The following ATP9B variants were observed in gnomAD, a reference collection of about 807,000 sequenced individuals.
ATP9B encodes ATPase phospholipid transporting 9B, also known as probable phospholipid-transporting ATPase IIB.
A neutral mutation model predicts 146.1 loss-of-function variants in ATP9B; 110 were observed. The ratio of observed to expected loss-of-function variants is 0.75; its 90% CI spans 0.65 to 0.88. The LOEUF is 0.88. Among genes scored for constraint, ATP9B ranks in the 40% least tolerant of loss-of-function variants. ATP9B has a pLI of 0.00. For synonymous variants in ATP9B, 604 were observed against 569.7 expected (o/e 1.06, Z -0.86); for missense variants, 1,499 against 1,496.4 (o/e 1.00, Z -0.03).
chr18:79,091,150 T>G (rs897989238), intron 1 of ATP9B, among the ~76,000 whole-genome samples: 4 of 152,210 alleles, frequency 2.6e-5, no homozygotes, highest in Non-Finnish European at 4.4e-5. Flanking sequence ...TGTGTCTGTT[T>G]TTATGCCAGT....
At chr18:79,072,602 C>T (rs574986422) in intron 1 of ATP9B, among the ~76,000 whole-genome samples, 1 of 152,328 alleles carries the variant, frequency 6.6e-6, no homozygotes, top group Admixed American at 6.5e-5. Context: ...CCCGACATTT[C>T]CCCCTTTTCT....
intron 7 of ATP9B, among the ~76,000 whole-genome samples, chr18:79,170,941 G>A (rs2095061097): frequency 6.6e-6 from 1 of 152,174 alleles, no homozygotes; most frequent in South Asian, 2.1e-4. Context: ...TTTCTTCCCT[G>A]GTTTCTTGTT....
intron 17 of ATP9B, chr18:79,332,710 T>A (rs1304402344): frequency 6.6e-6 from 1 of 152,238 alleles, no homozygotes; most frequent in Non-Finnish European, 1.5e-5. Context: ...CCATGTTGTT[T>A]AAGGGCCATC....
Position 79,329,283 on chromosome 18 carries a change from G to C in ATP9B, c.1916G>C (p.Arg639Pro). ...QLFPFTSESK[R>P]MGVIVRDEST... The stretch of plus-strand genomic sequence containing the variant: ...TTTCCCTTCACCTCCGAGAGCAAGC[G>C]GATGGGCGTCATCGTCAGGGTGAGG... The change falls in exon 16 of 30, where the codon CGG becomes CCG. Residue 639 changes from arginine to proline, a missense_variant. Physicochemically the swap from Arg to Pro is moderately radical, Grantham distance 103. Transcript: ENST00000426216. The C allele has an allele frequency of 1.2e-6, 2 of 1,609,104 alleles. No individual in the cohort carries two copies. The highest frequency in any genetic ancestry group is 1.7e-6 in the Non-Finnish European group (2 of 1,177,752).
chr18:79,231,007 T>G lies in ATP9B; in HGVS notation c.1107+16969T>G, dbSNP rs181415265. The stretch of plus-strand genomic sequence containing the variant: ...ACTTTATACAAAAATCAACTCAAGA[T>G]GGATCAAAGACTTAAGTCTAAGACC... On this transcript the variant is annotated intron_variant, in intron 11 of 29. Coordinates refer to ENST00000426216, the MANE Select transcript of ATP9B (RefSeq NM_198531.5). 2.8e-3 allele frequency among the ~76,000 whole-genome samples: 421 copies of G among 152,332 alleles called. 1 individual carries two copies. Among genetic ancestry groups the G allele is most frequent in the Non-Finnish European group, 5.5e-3 (374 of 68,022 alleles).
At chr18:79,117,023 A>G (rs1161142721) in intron 4 of ATP9B, among the ~76,000 whole-genome samples, 13 of 148,148 alleles carry the variant, frequency 8.8e-5, no homozygotes, top group Non-Finnish European at 8.9e-5. Flanking sequence ...TCGAATGTCT[A>G]ACAATAGATT....
rs1214946081 is a variant in ATP9B at position 79,211,517 on chromosome 18, A to C, written c.1031-2445A>C. Among the ~76,000 whole-genome samples the C allele has an allele frequency of 2.0e-5, 3 of 152,300 alleles. No homozygotes were observed. The East Asian group carries it at 5.8e-4, about 29-fold the overall frequency. On this transcript the variant is annotated intron_variant, in intron 10 of 29. Transcript: ENST00000426216. ...AGTCATGGGGTCTGTGGAGTGTAGG[A>C]GTAAATGTGGTCATATTTTATGCCT... is the stretch of plus-strand genomic sequence containing the variant.
At chr18:79,203,725 G>C (rs959234055) in intron 9 of ATP9B, among the ~76,000 whole-genome samples, 4 of 152,150 alleles carry the variant, frequency 2.6e-5, no homozygotes, top group Non-Finnish European at 5.9e-5. Context: ...TTCAGTATTT[G>C]GCTTCTTAAT....
chr18:79,175,197 CAAA>C (rs536122117), intron 7 of ATP9B, among the ~76,000 whole-genome samples: 2 of 57,444 alleles, frequency 3.5e-5, no homozygotes, highest in African/African-American at 5.6e-5. Flanking sequence ...GAGACTGTCT[CAAA>C]AAAAAAAAAA....
Position 79,307,221 on chromosome 18 carries a change from C to G in ATP9B, c.1760C>G (p.Ser587Cys). Residue 587 changes from serine (S) to cysteine (C), a missense_variant, in exon 15 of 30, where the codon TCC becomes TGC. Transcript: ENST00000426216. ...GATGAGAATCGCACCTACCAGGCTT[C>G]CAGCCCGGATGAGGTCAGTCAAAGC... ...FSDENRTYQA[S>C]SPDEVALVQW... The G allele has an allele frequency of 6.2e-7, 1 of 1,614,192 alleles. No homozygotes were observed. Among genetic ancestry groups the G allele is most frequent in the Non-Finnish European group, 8.5e-7 (1 of 1,180,028 alleles).
intron 13 of ATP9B, among the ~76,000 whole-genome samples, chr18:79,301,124 A>G (rs538984809): frequency 1.1e-4 from 17 of 152,320 alleles, no homozygotes; most frequent in Non-Finnish European, 2.1e-4. Flanking sequence ...ATATGAATTA[A>G]TGTAAGGTTT....
chr18:79,256,703 C>T (rs892370898), intron 12 of ATP9B, among the ~76,000 whole-genome samples: 1 of 152,112 alleles, frequency 6.6e-6, no homozygotes, highest in African/African-American at 2.4e-5. Context: ...TAAGTCAGCT[C>T]ATCTTCCCTC....
chr18:79,245,600 TGC>T (rs2095939725), intron 11 of ATP9B, among the ~76,000 whole-genome samples: 1 of 127,276 alleles, frequency 7.9e-6, no homozygotes, highest in Non-Finnish European at 1.7e-5. Flanking sequence ...CTAATGACTG[TGC>T]GGAGGGTACC....
chr18:79,331,478 ATAACT>A (rs2096789792), intron 17 of ATP9B, among the ~76,000 whole-genome samples: 1 of 152,248 alleles, frequency 6.6e-6, no homozygotes, highest in Non-Finnish European at 1.5e-5. Flanking sequence ...TTTCACAAAG[ATAACT>A]TTATTAAAAA....
At chr18:79,369,428 G>T (rs11081532) in intron 26 of ATP9B, among the ~76,000 whole-genome samples, 34,136 of 151,370 alleles carry the variant, frequency 0.23, 4,389 homozygotes, top group East Asian at 0.44. Flanking sequence ...AGCTACTCGG[G>T]AGGCTGAGGT....
intron 2 of ATP9B, among the ~76,000 whole-genome samples, chr18:79,098,389 A>C (rs1276513113): frequency 3.4e-5 from 5 of 147,484 alleles, no homozygotes; most frequent in African/African-American, 1.0e-4. Context: ...AATGGGATCT[A>C]ATTAAACTAA....
intron 5 of ATP9B, among the ~76,000 whole-genome samples, chr18:79,129,845 G>A (rs1022712044): frequency 6.6e-6 from 1 of 152,056 alleles, no homozygotes; most frequent in Non-Finnish European, 1.5e-5. Flanking sequence ...CCGGCTTCAA[G>A]TGATTCTTTT....
chr18:79,358,783 T>C (rs1475427816), intron 25 of ATP9B, among the ~76,000 whole-genome samples: 16 of 78,532 alleles, frequency 2.0e-4, no homozygotes, highest in African/African-American at 5.0e-4. Flanking sequence ...GTGAGGGGTG[T>C]CCTGGGTCTG....
chr18:79,240,890 A>G (rs1374477149), intron 11 of ATP9B, among the ~76,000 whole-genome samples: 2 of 152,212 alleles, frequency 1.3e-5, no homozygotes, highest in Non-Finnish European at 2.9e-5. Context: ...GAAGTTGGGG[A>G]CGGGGAGCTG....
Sources: gnomAD v4.1 joint callset for allele counts (sites outside exome capture counted in the v4.1 genomes callset) on GRCh38, gnomAD v4.1.1 for gene constraint, MANE v1.5 for transcripts, NCBI Gene and HGNC (gene_info 2026-07-23, HGNC 2026-07-21) for gene names.